The following PTPRD variants were observed in gnomAD, a reference collection of about 807,000 sequenced individuals.
PTPRD encodes protein tyrosine phosphatase receptor type D, also known as receptor-type tyrosine-protein phosphatase delta.
Under a neutral mutation model 214.5 loss-of-function variants are expected in PTPRD, and 34 were observed. The ratio of observed to expected loss-of-function variants is 0.16; its 90% CI spans 0.12 to 0.21. The LOEUF (loss-of-function observed/expected upper bound fraction) is 0.21, where lower values mean the gene tolerates loss of function less well. Among genes scored for constraint, PTPRD ranks in the 10% least tolerant of loss-of-function variants. PTPRD has a pLI of 1.00. For synonymous variants in PTPRD, 1,128 were observed against 845.7 expected (o/e 1.33, Z -5.79); for missense variants, 2,545 against 2,398.7 (o/e 1.06, Z -1.27).
intron 9 of PTPRD, among the ~76,000 whole-genome samples, chr9:9,322,098 A>C (rs1429291193): frequency 2.0e-5 from 3 of 152,188 alleles, no homozygotes; most frequent in African/African-American, 7.2e-5. Flanking sequence ...ACAAGGCTCT[A>C]AGTGTACAGG....
chr9:9,954,297 C>CAAAAAAAA lies in PTPRD; in HGVS notation c.-471-15695_-471-15688dup, dbSNP rs781628679. On this transcript the variant is annotated intron_variant, in intron 4 of 45. Transcript: ENST00000381196. The stretch of plus-strand genomic sequence containing the variant: ...GACAGATTGAGACTCTGTCTCAAAA[C>CAAAAAAAA]AAAAAAAAAAAAAAAAAAAAAAAAA... 6.9e-4 allele frequency among the ~76,000 whole-genome samples: 37 copies of CAAAAAAAA among 53,760 alleles called. 2 individuals are homozygous for CAAAAAAAA. Among genetic ancestry groups the CAAAAAAAA allele is most frequent in the East Asian group, 2.2e-3 (4 of 1,804 alleles). The allele number at this position is 53,760 out of a possible 152,430, so 35.3% of individuals were successfully genotyped here.
intron 3 of PTPRD, among the ~76,000 whole-genome samples, chr9:10,119,754 T>A (rs186020591): frequency 1.3e-5 from 2 of 152,124 alleles, no homozygotes; most frequent in African/African-American, 4.8e-5. Context: ...AGAACAAAAA[T>A]TTATTTTCCT....
At chr9:9,764,445 G>C (rs1449601328) in intron 6 of PTPRD, among the ~76,000 whole-genome samples, 1 of 152,030 alleles carries the variant, frequency 6.6e-6, no homozygotes, top group Non-Finnish European at 1.5e-5. Context: ...AAAGAAAAGA[G>C]TGCCCACCTA....
intron 8 of PTPRD, among the ~76,000 whole-genome samples, chr9:9,513,221 C>G (rs1047826649): frequency 6.6e-6 from 1 of 151,946 alleles, no homozygotes; most frequent in African/African-American, 2.4e-5. Flanking sequence ...TTTCAAACAA[C>G]TATAAAACAA....
At chr9:8,484,067 T>A in intron 30 of PTPRD, 52 bp downstream of exon 30, 2 of 1,565,510 alleles carry the variant, frequency 1.3e-6, no homozygotes, top group Non-Finnish European at 1.7e-6. Flanking sequence ...GATATAATGT[T>A]CCTATTTACC....
chr9:9,147,918 G>T (rs2099871409), intron 10 of PTPRD, among the ~76,000 whole-genome samples: 1 of 152,134 alleles, frequency 6.6e-6, no homozygotes, highest in Admixed American at 6.6e-5. Context: ...GTGGAAGGTG[G>T]ACTCAGCAAT....
At chr9:9,227,009 A>C (rs2099959902) in intron 9 of PTPRD, among the ~76,000 whole-genome samples, 1 of 152,124 alleles carries the variant, frequency 6.6e-6, no homozygotes, top group South Asian at 2.1e-4. Context: ...TTTCATATTT[A>C]TATGGCTTTT....
intron 11 of PTPRD, among the ~76,000 whole-genome samples, chr9:9,017,311 T>C (rs1026622770): frequency 1.3e-5 from 2 of 152,142 alleles, no homozygotes; most frequent in African/African-American, 4.8e-5. Context: ...ATTCTTTGGA[T>C]AGAAAAACTC....
chr9:9,245,904 G>T (rs2131299182), intron 9 of PTPRD, among the ~76,000 whole-genome samples: 1 of 152,072 alleles, frequency 6.6e-6, no homozygotes, highest in Non-Finnish European at 1.5e-5. Context: ...TGAATCTTTG[G>T]CTTGGTTCTG....
At chr9:10,406,462 T>C (rs1428583925) in intron 2 of PTPRD, among the ~76,000 whole-genome samples, 1 of 151,592 alleles carries the variant, frequency 6.6e-6, no homozygotes, top group Non-Finnish European at 1.5e-5. Context: ...GAACTGTGTG[T>C]ACCCTATCAA....
chr9:9,361,765 T>G (rs891705749), intron 9 of PTPRD, among the ~76,000 whole-genome samples: 5 of 151,264 alleles, frequency 3.3e-5, no homozygotes, highest in African/African-American at 1.2e-4. Flanking sequence ...ATCTTTCTCA[T>G]GTCCACATGG....
At chr9:8,525,646 T>C (rs1337655440) in intron 17 of PTPRD, among the ~76,000 whole-genome samples, 1 of 152,174 alleles carries the variant, frequency 6.6e-6, no homozygotes, top group East Asian at 1.9e-4. Context: ...CAATCATTTA[T>C]TACGTTTGCT....
chr9:10,260,611 C>G (rs1201702105), intron 3 of PTPRD, among the ~76,000 whole-genome samples: 1 of 152,134 alleles, frequency 6.6e-6, no homozygotes, highest in Non-Finnish European at 1.5e-5. Context: ...TTAAGAATGT[C>G]TAAATCTGTA....
At chr9:9,102,466 G>A (rs901516538) in intron 10 of PTPRD, among the ~76,000 whole-genome samples, 5 of 152,160 alleles carry the variant, frequency 3.3e-5, no homozygotes, top group Non-Finnish European at 7.3e-5. Context: ...AGCCAAGGGG[G>A]TAGAGAGAGG....
chr9:8,640,459 T>C (rs1006223787), intron 12 of PTPRD, among the ~76,000 whole-genome samples: 2 of 151,416 alleles, frequency 1.3e-5, no homozygotes, highest in Non-Finnish European at 2.9e-5. Context: ...TGAACTGTGG[T>C]AAACTTATTA....
At chr9:9,323,846 C>T (rs887267206) in intron 9 of PTPRD, among the ~76,000 whole-genome samples, 4 of 152,142 alleles carry the variant, frequency 2.6e-5, no homozygotes, top group South Asian at 2.1e-4. Context: ...ACCCCATCCC[C>T]GCACCCCACA....
At chr9:9,167,337 T>TGC (rs1358403503) in intron 10 of PTPRD, among the ~76,000 whole-genome samples, 1 of 151,500 alleles carries the variant, frequency 6.6e-6, no homozygotes, top group Non-Finnish European at 1.5e-5. Context: ...TTTGTGTGTG[T>TGC]GTGTGTGTGT....
At chr9:8,747,743 T>A (rs2092993011) in intron 11 of PTPRD, among the ~76,000 whole-genome samples, 1 of 152,136 alleles carries the variant, frequency 6.6e-6, no homozygotes, top group Non-Finnish European at 1.5e-5. Context: ...GGAAATTACT[T>A]AAAACCCTTC....
chr9:9,462,925 T>A (rs2093793462), intron 8 of PTPRD, among the ~76,000 whole-genome samples: 1 of 152,184 alleles, frequency 6.6e-6, no homozygotes, highest in African/African-American at 2.4e-5. Context: ...ACATCAGTTT[T>A]CTTTGTCACC....
Sources: allele counts gnomAD v4.1 joint callset (sites outside exome capture counted in the v4.1 genomes callset), GRCh38; gene constraint gnomAD v4.1.1; transcripts MANE v1.5; gene names NCBI Gene and HGNC (gene_info 2026-07-23, HGNC 2026-07-21).